GAS7: variants seen among roughly 807,000 people sequenced by gnomAD.
GAS7 encodes growth arrest-specific protein 7.
A neutral mutation model predicts 71.1 loss-of-function variants in GAS7; 28 were observed. The ratio of observed to expected loss-of-function variants is 0.39; its 90% CI spans 0.29 to 0.54. The LOEUF is 0.54. GAS7 is among the 20% of genes least tolerant of loss of function. The probability of loss-of-function intolerance (pLI) is 0.62; values close to 1 mark genes in which losing one functional copy is unlikely to be tolerated. For missense variants in GAS7, 436 were observed against 627.8 expected (o/e 0.69, Z 3.27); for synonymous variants, 258 against 245.8 (o/e 1.05, Z -0.46).
At chr17:10,077,929 C>T (rs1420642131) in intron 1 of GAS7, among the ~76,000 whole-genome samples, 1 of 152,142 alleles carries the variant, frequency 6.6e-6, no homozygotes, top group African/African-American at 2.4e-5. Flanking sequence ...ATTTATCAGA[C>T]TTGAAGAGCA....
At chr17:9,965,408 A>G (rs1203627117) in intron 4 of GAS7, among the ~76,000 whole-genome samples, 2 of 152,234 alleles carry the variant, frequency 1.3e-5, no homozygotes, top group African/African-American at 4.8e-5. Context: ...CAGCAAACAC[A>G]GGAACAGAAA....
intron 2 of GAS7, among the ~76,000 whole-genome samples, chr17:9,994,798 T>C (rs1409968835): frequency 6.6e-6 from 1 of 151,744 alleles, no homozygotes; most frequent in Non-Finnish European, 1.5e-5. Flanking sequence ...AGGGCTAATA[T>C]CCAGAATCTA....
chr17:9,951,363 TG>T (rs2068998234), intron 5 of GAS7, among the ~76,000 whole-genome samples: 1 of 152,130 alleles, frequency 6.6e-6, no homozygotes, highest in African/African-American at 2.4e-5. Context: ...GCTTCTGGAG[TG>T]GCCTGCCCTG....
rs1035479918 is a variant in GAS7 at position 10,066,722 on chromosome 17, G to A, written c.184-46825C>T. On this transcript the variant is annotated intron_variant, in intron 1 of 13. Transcript: ENST00000432992. ...AAACATATAAGTAGTTTGAAAGCCT[G>A]AGATGTGACTGTCATTCTGCAGGAC... is the stretch of plus-strand genomic sequence containing the variant. 3.9e-5 allele frequency among the ~76,000 whole-genome samples: 6 copies of A among 152,300 alleles called. No individual in the cohort carries two copies. The South Asian group carries it at 1.2e-3, about 32-fold the overall frequency.
At chr17:10,109,921 G>A (rs755314569) in intron 1 of GAS7, among the ~76,000 whole-genome samples, 9 of 152,148 alleles carry the variant, frequency 5.9e-5, no homozygotes, top group Non-Finnish European at 8.8e-5. Context: ...GGGCGTGGTG[G>A]TGGGCGCCTG....
intron 7 of GAS7, among the ~76,000 whole-genome samples, chr17:9,942,542 A>G (rs932469115): frequency 6.6e-6 from 1 of 152,158 alleles, no homozygotes; most frequent in Non-Finnish European, 1.5e-5. Context: ...TAGACAAAAC[A>G]CTGTTATAAT....
rs1419351390 is a variant in GAS7 at position 9,914,266 on chromosome 17, A to T, written c.*2962T>A. 2 of 195,700 alleles carry T rather than the reference A, an allele frequency of 1.0e-5. No individual in the cohort carries two copies. The highest frequency in any genetic ancestry group is 1.6e-4 in the East Asian group (2 of 12,484). 12.1% of individuals were successfully genotyped at this position (195,700 alleles called of 1,614,324 possible). On this transcript the variant is annotated 3_prime_UTR_variant, in exon 14 of 14. Transcript: ENST00000432992. The stretch of plus-strand genomic sequence containing the variant: ...TTTTGAGATGGAGTCTTGCTCTGTC[A>T]CCCAAGCTGGAGTGCAGTGGCCCGA...
chr17:10,144,207 T>G (rs1213441716), intron 1 of GAS7, among the ~76,000 whole-genome samples: 1 of 152,212 alleles, frequency 6.6e-6, no homozygotes, highest in East Asian at 1.9e-4. Flanking sequence ...TGTTCAAAGC[T>G]GGGGACTTTG....
chr17:10,045,844 C>T (rs2072946553), intron 1 of GAS7, among the ~76,000 whole-genome samples: 1 of 152,194 alleles, frequency 6.6e-6, no homozygotes, highest in South Asian at 2.1e-4. Context: ...TTGTTCCATC[C>T]ATCACTGTGT....
At chr17:10,113,067 C>T (rs1047064387) in intron 1 of GAS7, among the ~76,000 whole-genome samples, 7 of 152,100 alleles carry the variant, frequency 4.6e-5, no homozygotes, top group African/African-American at 1.7e-4. Flanking sequence ...AGAGGGACCC[C>T]ATCCACTCAC....
intron 1 of GAS7, among the ~76,000 whole-genome samples, chr17:10,168,386 T>C (rs999825681): frequency 1.3e-5 from 2 of 152,242 alleles, no homozygotes; most frequent in South Asian, 2.1e-4. Context: ...AGGGAAGTAG[T>C]TGAAGGTGGC....
At chr17:10,101,428 T>C (rs556200747) in intron 1 of GAS7, among the ~76,000 whole-genome samples, 2 of 152,368 alleles carry the variant, frequency 1.3e-5, no homozygotes, top group South Asian at 4.1e-4. Flanking sequence ...AGTGACATTC[T>C]GTCATATCTA....
chr17:10,198,500 T>TG lies in GAS7; in HGVS notation c.-111dup. On this transcript the variant is annotated 5_prime_UTR_variant, in exon 1 of 14. Coordinates refer to ENST00000432992, the MANE Select transcript of GAS7 (RefSeq NM_201433.2). ...CCCGGCGCTCCGGGCTCCCGCGCTC[T>TG]GGGCGCGCGCCGTCTCTGGGGTGCG... 1.4e-6 allele frequency: 1 copy of TG among 738,812 alleles called. No homozygotes were observed. The highest frequency in any genetic ancestry group is 2.0e-6 in the Non-Finnish European group (1 of 512,676). 45.8% of individuals were successfully genotyped at this position (738,812 alleles called of 1,614,324 possible).
At chr17:10,028,279 G>C (rs1597722012) in intron 1 of GAS7, among the ~76,000 whole-genome samples, 4 of 152,224 alleles carry the variant, frequency 2.6e-5, no homozygotes, top group African/African-American at 9.6e-5. Flanking sequence ...GAGGCTGAGG[G>C]GGGAGGACTG....
rs2068022185 is a variant in GAS7 at position 9,926,868 on chromosome 17, AAGTGAGGATGAGTCTGGGGTAGCG to A, written c.886-123_886-100del. On this transcript the variant is annotated intron_variant, in intron 9 of 13. Transcript: ENST00000432992. The surrounding 1 kb of genome is among the most constrained non-coding windows in gnomAD (Gnocchi z 5.0). The stretch of plus-strand genomic sequence containing the variant: ...GAGGGGCACCCCCACTTCCCCAGGC[AAGTGAGGATGAGTCTGGGGTAGCG>A]ACCTGGCAGGAAGGTGAGAGACACC... The A allele has an allele frequency of 2.3e-6, 3 of 1,312,368 alleles. No individual in the cohort carries two copies. In the Admixed American group the frequency reaches 5.1e-5, roughly 22 times the overall value. The allele number at this position is 1,312,368 out of a possible 1,614,324, so 81.3% of individuals were successfully genotyped here.
intron 1 of GAS7, among the ~76,000 whole-genome samples, chr17:10,055,967 T>A (rs577329681): frequency 6.6e-6 from 1 of 152,226 alleles, no homozygotes; most frequent in East Asian, 1.9e-4. Context: ...ATACTTTCTT[T>A]GACCCGCCAG....
At chr17:9,982,788 A>AGAAAGAAAG (rs1265610483) in intron 2 of GAS7, among the ~76,000 whole-genome samples, 161 of 117,660 alleles carry the variant, frequency 1.4e-3, no homozygotes, top group Non-Finnish European at 1.7e-3. Flanking sequence ...AAAAAAAGAA[A>AGAAAGAAAG]GAAAGAAAGG....
At chr17:10,124,538 G>T (rs531413739) in intron 1 of GAS7, among the ~76,000 whole-genome samples, 1 of 152,336 alleles carries the variant, frequency 6.6e-6, no homozygotes, top group East Asian at 1.9e-4. Flanking sequence ...ATGATTTGCT[G>T]GCTCTCTTTC....
At chr17:10,182,975 G>A (rs1232036374) in intron 1 of GAS7, among the ~76,000 whole-genome samples, 1 of 152,116 alleles carries the variant, frequency 6.6e-6, no homozygotes. Context: ...GGCAGCCGGA[G>A]GCCCATCAAA....
Sources: allele counts gnomAD v4.1 joint callset (sites outside exome capture counted in the v4.1 genomes callset), GRCh38; gene constraint gnomAD v4.1.1; non-coding constraint Gnocchi (gnomAD v3.1); transcripts MANE v1.5; gene names NCBI Gene and HGNC (gene_info 2026-07-23, HGNC 2026-07-21).